The following CCDC7 variants were observed in gnomAD, a reference collection of about 807,000 sequenced individuals.
The protein encoded by CCDC7 is coiled-coil domain containing 7.
Under a neutral mutation model 196.9 loss-of-function variants are expected in CCDC7, and 183 were observed. That is an observed-to-expected ratio of 0.93 (90% CI 0.82 to 1.05). The LOEUF is 1.05. Among genes scored for constraint, CCDC7 ranks in the 50% least tolerant of loss-of-function variants. CCDC7 has a pLI of 0.00. For missense variants in CCDC7, 1,540 were observed against 1,482.2 expected (o/e 1.04, Z -0.64); for synonymous variants, 525 against 484.6 (o/e 1.08, Z -1.10).
intron 28 of CCDC7, among the ~76,000 whole-genome samples, chr10:32,762,097 T>G (rs1036906728): frequency 1.3e-5 from 2 of 151,548 alleles, no homozygotes; most frequent in African/African-American, 4.8e-5. Flanking sequence ...GTCATACAAT[T>G]GGGAAATAAT....
At chr10:32,833,757 A>G (rs939465593) in intron 32 of CCDC7, among the ~76,000 whole-genome samples, 1 of 152,062 alleles carries the variant, frequency 6.6e-6, no homozygotes, top group African/African-American at 2.4e-5. Context: ...AATGCCCTAA[A>G]TTGTTCCTAT....
At chr10:32,539,774 A>G (rs1196064202) in intron 11 of CCDC7, among the ~76,000 whole-genome samples, 1 of 151,412 alleles carries the variant, frequency 6.6e-6, no homozygotes, top group Non-Finnish European at 1.5e-5. Context: ...TGTTTACCCA[A>G]ATGTCATTCA....
chr10:32,597,302 T>G (rs1190398170), intron 18 of CCDC7, among the ~76,000 whole-genome samples: 1 of 152,240 alleles, frequency 6.6e-6, no homozygotes, highest in Non-Finnish European at 1.5e-5. Context: ...TTTCTTCAAT[T>G]TGATCAAATC....
intron 18 of CCDC7, among the ~76,000 whole-genome samples, chr10:32,631,370 T>C (rs1369778893): frequency 1.3e-5 from 2 of 152,200 alleles, no homozygotes; most frequent in Non-Finnish European, 2.9e-5. Context: ...TTTACATCTG[T>C]ATATTCAGTT....
intron 11 of CCDC7, among the ~76,000 whole-genome samples, chr10:32,538,573 G>A (rs1436424242): frequency 6.6e-6 from 1 of 152,152 alleles, no homozygotes; most frequent in Non-Finnish European, 1.5e-5. Context: ...GTTTTCAAGG[G>A]AAATGCTTTC....
chr10:32,499,597 TA>T (rs199563293), intron 9 of CCDC7, among the ~76,000 whole-genome samples: 30,014 of 145,036 alleles, frequency 0.21, 3,638 homozygotes, highest in East Asian at 0.5. Flanking sequence ...CTTTCTTTTT[TA>T]TTTTTTTATT....
chr10:32,849,714 A>G (rs949900919), intron 39 of CCDC7, among the ~76,000 whole-genome samples: 7 of 151,644 alleles, frequency 4.6e-5, no homozygotes, highest in African/African-American at 1.2e-4. Flanking sequence ...AAAAAAAAAA[A>G]AAAAAAGAAA....
chr10:32,617,337 T>G (rs2138997658), intron 18 of CCDC7, among the ~76,000 whole-genome samples: 1 of 151,964 alleles, frequency 6.6e-6, no homozygotes, highest in South Asian at 2.1e-4. Context: ...TAACTTTGGG[T>G]TTGGTTTATT....
chr10:32,519,530 T>G (rs1330778348), intron 11 of CCDC7, among the ~76,000 whole-genome samples: 2 of 152,096 alleles, frequency 1.3e-5, no homozygotes, highest in African/African-American at 2.4e-5. Flanking sequence ...CGTAGAAACT[T>G]TGGTGCTCAT....
At chr10:32,691,489 T>C (rs929663076) in intron 23 of CCDC7, among the ~76,000 whole-genome samples, 3 of 152,168 alleles carry the variant, frequency 2.0e-5, no homozygotes, top group Non-Finnish European at 4.4e-5. Context: ...TGGTAGATGC[T>C]TTTTCTATGC....
chr10:32,494,449 G>C (rs1436995930), intron 9 of CCDC7, among the ~76,000 whole-genome samples: 1 of 151,514 alleles, frequency 6.6e-6, no homozygotes, highest in Admixed American at 6.6e-5. Context: ...AGAATGTGCA[G>C]GTTTGTTACA....
At chr10:32,868,406 G>A (rs775091347) in intron 41 of CCDC7, among the ~76,000 whole-genome samples, 2 of 151,916 alleles carry the variant, frequency 1.3e-5, no homozygotes, top group Non-Finnish European at 1.5e-5. Context: ...TAGGGGCACT[G>A]GTTTGCTCTG....
At chr10:32,707,311 G>A (rs1406664943) in intron 24 of CCDC7, among the ~76,000 whole-genome samples, 4 of 152,122 alleles carry the variant, frequency 2.6e-5, no homozygotes, top group Non-Finnish European at 5.9e-5. Context: ...GGTACTGATG[G>A]GACGTATCTC....
At chr10:32,483,830 G>C (rs535459526) in intron 8 of CCDC7, among the ~76,000 whole-genome samples, 3 of 152,010 alleles carry the variant, frequency 2.0e-5, no homozygotes, top group Admixed American at 6.6e-5. Context: ...ATTTCCAAGG[G>C]CTCTATTCTG....
At chr10:32,771,105 G>A (rs1003284542) in intron 28 of CCDC7, among the ~76,000 whole-genome samples, 1 of 152,078 alleles carries the variant, frequency 6.6e-6, no homozygotes, top group Non-Finnish European at 1.5e-5. Flanking sequence ...GTGAGGTACT[G>A]TTTTCTTCAT....
intron 20 of CCDC7, among the ~76,000 whole-genome samples, chr10:32,643,110 A>G (rs1266667697): frequency 1.3e-5 from 2 of 152,170 alleles, no homozygotes; most frequent in African/African-American, 4.8e-5. Context: ...TAAGAGAGGC[A>G]TGTTGAATTC....
upstream of CCDC7, chr10:32,446,094 G>A (rs898204104): frequency 6.6e-6 from 1 of 152,168 alleles, no homozygotes; most frequent in African/African-American, 2.4e-5. Context: ...CAGCGACGCC[G>A]GCGGCGCCAA....
At chr10:32,570,624 G>A (rs2057420581) in intron 15 of CCDC7, among the ~76,000 whole-genome samples, 1 of 152,138 alleles carries the variant, frequency 6.6e-6, no homozygotes, top group East Asian at 1.9e-4. Context: ...GTGGCTTCCT[G>A]AGCCACACTA....
At chr10:32,669,986 G>A (rs2073731617) in intron 21 of CCDC7, among the ~76,000 whole-genome samples, 1 of 152,100 alleles carries the variant, frequency 6.6e-6, no homozygotes, top group African/African-American at 2.4e-5. Context: ...AATCCAGGGA[G>A]AATGAATTGG....
Sources: allele counts gnomAD v4.1 joint callset (sites outside exome capture counted in the v4.1 genomes callset), GRCh38; gene constraint gnomAD v4.1.1; transcripts MANE v1.5; gene names NCBI Gene and HGNC (gene_info 2026-07-23, HGNC 2026-07-21).